The following TBC1D22A variants were observed in gnomAD, a reference collection of about 807,000 sequenced individuals.
TBC1D22A encodes the protein TBC1 domain family member 22A, also known as putative GTPase activator.
In TBC1D22A, 38 loss-of-function variants were observed where a neutral mutation model predicts 60.2. The ratio of observed to expected loss-of-function variants is 0.63; its 90% CI spans 0.49 to 0.83. The LOEUF is 0.83. Ranked by LOEUF, TBC1D22A falls within the 40% of genes least tolerant of loss-of-function variation. The pLI, the probability that TBC1D22A is intolerant of heterozygous loss-of-function variation, is 0.00. For synonymous variants in TBC1D22A, 302 were observed against 281.7 expected, an observed-to-expected ratio of 1.07 and a Z score of -0.72; for missense variants, 628 against 701.0, an observed-to-expected ratio of 0.90 and a Z score of 1.18.
At chr22:47,136,739 T>G (rs1478230325) in intron 12 of TBC1D22A, among the ~76,000 whole-genome samples, 1 of 152,200 alleles carries the variant, frequency 6.6e-6, no homozygotes, top group Non-Finnish European at 1.5e-5. Flanking sequence ...CCAGGACTGC[T>G]GAGGTGAGCA....
intron 11 of TBC1D22A, among the ~76,000 whole-genome samples, chr22:47,064,962 A>T (rs1366320830): frequency 2.0e-5 from 3 of 152,088 alleles, no homozygotes; most frequent in Non-Finnish European, 2.9e-5. Context: ...GTTTTTAAAA[A>T]TTTGTTTATT....
intron 10 of TBC1D22A, among the ~76,000 whole-genome samples, chr22:47,015,557 G>C (rs899514456): frequency 6.6e-6 from 1 of 152,216 alleles, no homozygotes; most frequent in African/African-American, 2.4e-5. Context: ...TGAGCACAGA[G>C]AGCTCCAGAA....
chr22:47,067,207 A>C (rs1259645510), intron 11 of TBC1D22A, among the ~76,000 whole-genome samples: 1 of 152,184 alleles, frequency 6.6e-6, no homozygotes, highest in East Asian at 1.9e-4. Context: ...TGGAGGTTGC[A>C]GTGAGCCGAG....
chr22:47,058,352 C>G (rs1046048915), intron 11 of TBC1D22A, among the ~76,000 whole-genome samples: 1 of 152,106 alleles, frequency 6.6e-6, no homozygotes, highest in Non-Finnish European at 1.5e-5. Context: ...GCTTATGATT[C>G]CACCCGCCCG....
intron 4 of TBC1D22A, among the ~76,000 whole-genome samples, chr22:46,857,309 C>T (rs941128297): frequency 6.6e-6 from 1 of 152,242 alleles, no homozygotes; most frequent in Admixed American, 6.5e-5. Context: ...GAAATCTCTG[C>T]TGCCCCTGGG....
intron 4 of TBC1D22A, among the ~76,000 whole-genome samples, chr22:46,875,758 A>AT (rs1569160977): frequency 1.3e-5 from 2 of 152,248 alleles, no homozygotes; most frequent in East Asian, 1.9e-4. Flanking sequence ...GCCTAGCAAT[A>AT]TGCTTATTAT....
rs141877636 is a variant in TBC1D22A, at chr22:47,046,282, G to A, written c.1329+9084G>A. 2.2e-4 allele frequency among the ~76,000 whole-genome samples: 33 copies of A among 152,308 alleles called. No individual in the cohort carries two copies. The East Asian group carries it at 5.2e-3, about 24-fold the overall frequency. ...AGTGGAGTGGTCCCTGCACCCCACT[G>A]TGCAGGCTTCCCTCTGAGATGTGCT... On this transcript the variant is annotated intron_variant, in intron 11 of 12. Coordinates refer to ENST00000337137, the MANE Select transcript of TBC1D22A (RefSeq NM_014346.5).
At chr22:47,094,918 C>T (rs1018102682) in intron 11 of TBC1D22A, among the ~76,000 whole-genome samples, 1 of 151,990 alleles carries the variant, frequency 6.6e-6, no homozygotes, top group African/African-American at 2.4e-5. Flanking sequence ...TTCTCAAGAC[C>T]TGGACAGACA....
chr22:47,102,309 C>T (rs905840393), intron 11 of TBC1D22A, among the ~76,000 whole-genome samples: 2 of 152,168 alleles, frequency 1.3e-5, no homozygotes, highest in African/African-American at 4.8e-5. Flanking sequence ...AGCCAGTGCT[C>T]ATCCCACAGC....
In TBC1D22A at chr22:47,149,266, G is replaced by A. The variant is rs541851014; in HGVS notation, c.1426-24232G>A. 4.6e-5 allele frequency among the ~76,000 whole-genome samples: 7 copies of A among 152,316 alleles called. No individual in the cohort carries two copies. The East Asian group carries it at 9.7e-4, about 21-fold the overall frequency. On this transcript the variant is annotated intron_variant, in intron 12 of 12. Transcript: ENST00000337137. The stretch of plus-strand genomic sequence containing the variant: ...TGTGGAGGTGAGCTCACGGCCCGGC[G>A]GCGGCAGGAATCACGGACGCTCACA...
At chr22:47,017,497 G>A (rs189694124) in intron 10 of TBC1D22A, among the ~76,000 whole-genome samples, 26 of 152,254 alleles carry the variant, frequency 1.7e-4, no homozygotes, top group African/African-American at 5.3e-4. Flanking sequence ...GAATGCTGGC[G>A]AGGAGGTGGG....
chr22:46,922,377 T>G (rs887297530), intron 8 of TBC1D22A, among the ~76,000 whole-genome samples: 4 of 152,224 alleles, frequency 2.6e-5, no homozygotes, highest in African/African-American at 9.6e-5. Flanking sequence ...AGCTTTGTTC[T>G]TTTTTGCTTT....
At chr22:47,085,414 TTAGA>T (rs750875240) in intron 11 of TBC1D22A, among the ~76,000 whole-genome samples, 1 of 152,218 alleles carries the variant, frequency 6.6e-6, no homozygotes, top group African/African-American at 2.4e-5. Context: ...TATCTATGGA[TTAGA>T]TAAATATTTT....
intron 11 of TBC1D22A, among the ~76,000 whole-genome samples, chr22:47,068,613 A>T (rs2063857924): frequency 6.6e-6 from 1 of 152,254 alleles, no homozygotes; most frequent in Admixed American, 6.5e-5. Context: ...CTGGGGCCAG[A>T]AACTCTAGTG....
At chr22:47,052,344 G>A (rs2063253347) in intron 11 of TBC1D22A, among the ~76,000 whole-genome samples, 1 of 152,306 alleles carries the variant, frequency 6.6e-6, no homozygotes, top group African/African-American at 2.4e-5. Context: ...TACCAGCCAG[G>A]GAGGCCCCTG....
chr22:47,149,393 C>T (rs930447972), intron 12 of TBC1D22A, among the ~76,000 whole-genome samples: 9 of 152,258 alleles, frequency 5.9e-5, no homozygotes, highest in African/African-American at 1.9e-4. Context: ...CAAAATGCCA[C>T]ACAGTATTTA....
chr22:46,830,748 G>A (rs138113573), intron 4 of TBC1D22A, among the ~76,000 whole-genome samples: 9 of 152,358 alleles, frequency 5.9e-5, no homozygotes, highest in African/African-American at 1.9e-4. Flanking sequence ...GGGAAGTAAT[G>A]TGATCCTATT....
intron 8 of TBC1D22A, among the ~76,000 whole-genome samples, chr22:46,923,986 G>A (rs186272381): frequency 6.6e-6 from 1 of 152,288 alleles, no homozygotes; most frequent in African/African-American, 2.4e-5. Flanking sequence ...TTTTCAAACA[G>A]CGACTGTCAT....
intron 4 of TBC1D22A, among the ~76,000 whole-genome samples, chr22:46,875,579 G>A (rs952206553): frequency 2.0e-5 from 3 of 151,936 alleles, no homozygotes; most frequent in South Asian, 4.2e-4. Flanking sequence ...AGCCTCCCCA[G>A]TAGCTGGGAC....
Sources: gnomAD v4.1 joint callset for allele counts (sites outside exome capture counted in the v4.1 genomes callset) on GRCh38, gnomAD v4.1.1 for gene constraint, MANE v1.5 for transcripts, NCBI Gene and HGNC (gene_info 2026-07-23, HGNC 2026-07-21) for gene names.